PM20D1: variants seen among roughly 807,000 people sequenced by gnomAD.
The protein encoded by PM20D1 is N-fatty-acyl-amino acid synthase/hydrolase PM20D1.
A neutral mutation model predicts 53.8 loss-of-function variants in PM20D1; 53 were observed. The observed-to-expected ratio is 0.98, with a 90% CI of 0.79 to 1.24. The LOEUF (loss-of-function observed/expected upper bound fraction) is 1.24, where lower values mean the gene tolerates loss of function less well. Among genes scored for constraint, PM20D1 ranks in the 50% most tolerant of loss-of-function variants. The pLI, the probability that PM20D1 is intolerant of heterozygous loss-of-function variation, is 0.00. For missense variants in PM20D1, 564 were observed against 616.8 expected, an observed-to-expected ratio of 0.91 and a Z score of 0.91; for synonymous variants, 239 against 241.3, an observed-to-expected ratio of 0.99 and a Z score of 0.09.
chr1:205,830,547 C>G (rs1656535500), intron 11 of PM20D1, among the ~76,000 whole-genome samples, 168 bp from the exon 12 acceptor site: 4 of 151,712 alleles, frequency 2.6e-5, no homozygotes, highest in Admixed American at 1.3e-4. Flanking sequence ...CCATTTCAGC[C>G]AGGAACATGG....
In PM20D1 at chr1:205,847,939, A is replaced by G; in HGVS notation, c.202T>C (p.Ser68Pro). Residue 68 changes from serine (S) to proline (P), a missense_variant, in exon 2 of 13, where the codon TCT (serine) becomes CCT (proline). Physicochemically the swap from Ser to Pro is moderately conservative, Grantham distance 74. Transcript: ENST00000367136. ...AIQIPTVTFSSEKSNTTALAE... is the reference protein window; with the variant it reads ...AIQIPTVTFSPEKSNTTALAE... ...AGGGCTGTAGTATTGGACTTCTCAG[A>G]GCTAAAAGTCACTGTTGGAATCTGG... 6.3e-7 allele frequency: 1 copy of G among 1,598,456 alleles called. No homozygotes were observed. Among genetic ancestry groups the G allele is most frequent in the Non-Finnish European group, 8.5e-7 (1 of 1,173,312 alleles).
chr1:205,832,917 C>T (rs913090162), intron 10 of PM20D1, 151 bp from the exon 11 acceptor site: 41 of 852,056 alleles, frequency 4.8e-5, no homozygotes, highest in Middle Eastern at 3.5e-4. Flanking sequence ...ACTTCAATTT[C>T]AGCTGACTGG....
intron 1 of PM20D1, 122 bp from the exon 2 acceptor site, chr1:205,848,093 A>G (rs1657040930): frequency 4.6e-6 from 4 of 872,916 alleles, no homozygotes; most frequent in Non-Finnish European, 3.7e-6. Context: ...CAAAACACTA[A>G]TGTGAGGTAG....
rs1656911787 is a variant in PM20D1 at position 205,844,860 on chromosome 1, T to C, written c.527A>G (p.Lys176Arg). Residue 176 changes from lysine (K) to arginine (R), a missense_variant, in exon 4 of 13, where the codon AAG becomes AGG. By Grantham distance (26) the Lys-to-Arg change is conservative. Transcript: ENST00000367136. ...GAAGAAAGATCTTCGGGGGATGTAC[T>C]TCCTGATCAGCAGGAGCTCCAAGGC... ...LQALELLLIR[K>R]YIPRRSFFIS... 3.1e-6 allele frequency: 5 copies of C among 1,613,904 alleles called. No homozygotes were observed. The highest frequency in any genetic ancestry group is 1.6e-4 in the Middle Eastern group (1 of 6,084).
In PM20D1 at chr1:205,828,192, T is replaced by G; in HGVS notation, c.*428A>C. ...TCATGAGTCCAAGAAGAGAGGGGAA[T>G]AAAAGGGGGAAGAAAGTTCTAGTAA... On this transcript the variant is annotated 3_prime_UTR_variant, in exon 13 of 13. Transcript: ENST00000367136. 1.3e-5 allele frequency: 2 copies of G among 157,706 alleles called. No homozygotes were observed. The highest frequency in any genetic ancestry group is 2.4e-5 in the African/African-American group (1 of 41,336). The allele number at this position is 157,706 out of a possible 1,614,324, so 9.8% of individuals were successfully genotyped here.
chr1:205,842,747 C>T lies in PM20D1; in HGVS notation c.832G>A (p.Glu278Lys). 6.2e-7 allele frequency: 1 copy of T among 1,613,964 alleles called. No homozygotes were observed. The highest frequency in any genetic ancestry group is 2.2e-5 in the East Asian group (1 of 44,886). The change falls in exon 7 of 13, where the codon GAG (glutamate) becomes AAG (lysine). Residue 278 changes from glutamate (E) to lysine (K), a missense_variant. Physicochemically the swap from Glu to Lys is moderately conservative, Grantham distance 56. Transcript: ENST00000367136. ...GILAAAVSRL[E>K]QTPMPIIFGS... ...AATATGATAGGCATTGGTGTCTGCT[C>T]CAATCTGGAAGAGAAACAGAGTCCT...
Position 205,844,922 on chromosome 1 carries a change from G to A in PM20D1, c.490-25C>T, listed in dbSNP as rs768159437. 3.8e-6 allele frequency: 6 copies of A among 1,597,058 alleles called. No individual in the cohort carries two copies. The South Asian group carries it at 5.5e-5, about 15-fold the overall frequency. ...CCTGGGGTTCAGAAGCACAATGGAA[G>A]AGGAAAAAGACGTTATTTAGGTGGG... On this transcript the variant is annotated intron_variant, in intron 3 of 12. Coordinates refer to ENST00000367136, the MANE Select transcript of PM20D1 (RefSeq NM_152491.5).
chr1:205,847,010 T>C (rs867710775), intron 2 of PM20D1, among the ~76,000 whole-genome samples: 21 of 124,274 alleles, frequency 1.7e-4, no homozygotes, highest in African/African-American at 7.0e-4. Flanking sequence ...TCCTTTCTTT[T>C]TTTTTTTTTT....
At chr1:205,842,023 TAC>T (rs1656821728) in intron 8 of PM20D1, 129 bp downstream of exon 8, 6 of 1,198,210 alleles carry the variant, frequency 5.0e-6, no homozygotes, top group Non-Finnish European at 7.3e-6. Flanking sequence ...GTCTTAAATA[TAC>T]ACACTTAGAG....
chr1:205,828,626 T>C lies in PM20D1; in HGVS notation c.1503A>G (p.Lys501=), dbSNP rs1345763207. 1 of 1,614,082 alleles carries C rather than the reference T, an allele frequency of 6.2e-7. No individual in the cohort carries two copies. The highest frequency in any genetic ancestry group is 1.3e-5 in the African/African-American group (1 of 75,038). Residue 501 remains lysine, a synonymous_variant, in exon 13 of 13, where the codon AAA becomes AAG. Transcript: ENST00000367136. ...TDQEPVSHLH[K]L is the part of the protein sequence containing the mutation. ...CCCAGCAGGCCCCTTGACCTCACAGTTTGTGCAGGTGAGAAACTGGCTCCT... is the reference window on the plus strand; with the variant it reads ...CCCAGCAGGCCCCTTGACCTCACAGCTTGTGCAGGTGAGAAACTGGCTCCT...
chr1:205,830,108 A>T, intron 12 of PM20D1, 172 bp downstream of exon 12: 4 of 544,506 alleles, frequency 7.3e-6, no homozygotes, highest in Non-Finnish European at 1.3e-5. Flanking sequence ...TGACAATGAG[A>T]CTCTGGCAAT....
rs761856876 is a variant in PM20D1, at chr1:205,830,253, C to T, written c.1385+27G>A. 10 of 1,494,582 alleles carry T rather than the reference C, an allele frequency of 6.7e-6. No individual in the cohort carries two copies. The South Asian group carries it at 1.1e-4, about 17-fold the overall frequency. 92.6% of individuals were successfully genotyped at this position (1,494,582 alleles called of 1,614,324 possible). On this transcript the variant is annotated intron_variant, in intron 12 of 12. Coordinates refer to ENST00000367136, the MANE Select transcript of PM20D1 (RefSeq NM_152491.5). ...CATCAAGTGTATTTCTTTTCTCCCA[C>T]CTGCTGCTCAAACCTGTTCCACTCA...
At chr1:205,843,970 T>C in intron 5 of PM20D1, 117 bp downstream of exon 5, 4 of 1,483,074 alleles carry the variant, frequency 2.7e-6, no homozygotes, top group Admixed American at 2.1e-5. Context: ...TTGGGGCGAT[T>C]AATGCGAGAG....
chr1:205,833,759 G>C lies in PM20D1; in HGVS notation c.1117-993C>G, dbSNP rs139786694. ...GCACTAGTCCCAACCCATTTGTTCA[G>C]TAGTTGCTTTAAAACTGCCTCTGCT... is the stretch of plus-strand genomic sequence containing the variant. On this transcript the variant is annotated intron_variant, in intron 10 of 12. Coordinates refer to ENST00000367136, the MANE Select transcript of PM20D1 (RefSeq NM_152491.5). Among the ~76,000 whole-genome samples, 467 of 152,240 alleles carry C rather than the reference G, an allele frequency of 3.1e-3. 8 individuals carry two copies. The highest frequency in any genetic ancestry group is 0.027 in the Admixed American group (407 of 15,284).
chr1:205,828,824 T>A, intron 12 of PM20D1, 81 bp from the exon 13 acceptor site: 1 of 1,550,796 alleles, frequency 6.4e-7, no homozygotes, highest in South Asian at 1.2e-5. Flanking sequence ...GCACTTCCCT[T>A]ACTTCCCTCA....
At chr1:205,830,209 A>T in intron 12 of PM20D1, 71 bp downstream of exon 12, 1 of 1,182,924 alleles carries the variant, frequency 8.5e-7, no homozygotes, top group East Asian at 2.3e-5. Flanking sequence ...TGCCAGGAGC[A>T]TGGGGTAGGA....
chr1:205,837,553 G>C (rs1220129830), intron 10 of PM20D1, among the ~76,000 whole-genome samples: 1 of 152,208 alleles, frequency 6.6e-6, no homozygotes, highest in Non-Finnish European at 1.5e-5. Flanking sequence ...TCCAGCCCGA[G>C]GCTCTGTGCA....
chr1:205,833,446 T>G (rs1232155188), intron 10 of PM20D1, among the ~76,000 whole-genome samples: 3 of 152,240 alleles, frequency 2.0e-5, no homozygotes, highest in African/African-American at 7.2e-5. Flanking sequence ...GCATTTCTGC[T>G]TCCTGTTTGT....
chr1:205,848,417 T>C (rs1263807834), intron 1 of PM20D1, among the ~76,000 whole-genome samples: 1 of 152,222 alleles, frequency 6.6e-6, no homozygotes, highest in African/African-American at 2.4e-5. Context: ...ATGAGGCTTG[T>C]GTGTTTTTGT....
Sources: gnomAD v4.1 joint callset for allele counts (sites outside exome capture counted in the v4.1 genomes callset) on GRCh38, gnomAD v4.1.1 for gene constraint, MANE v1.5 for transcripts, NCBI Gene and HGNC (gene_info 2026-07-23, HGNC 2026-07-21) for gene names.